SF3B3: variants seen among roughly 807,000 people sequenced by gnomAD.
The protein encoded by SF3B3 is SAP 130.
Under a neutral mutation model 139.2 loss-of-function variants are expected in SF3B3, and 33 were observed. The observed-to-expected ratio is 0.24, with a 90% confidence interval of 0.18 to 0.32. The LOEUF is 0.32. Among genes scored for constraint, SF3B3 ranks in the 10% least tolerant of loss-of-function variants. SF3B3 has a pLI of 1.00. For synonymous variants in SF3B3, 596 were observed against 563.6 expected (o/e 1.06, Z -0.81); for missense variants, 818 against 1,509.4 (o/e 0.54, Z 7.59).
At chr16:70,527,421 T>C (rs1305762900) in intron 2 of SF3B3, among the ~76,000 whole-genome samples, 1 of 152,230 alleles carries the variant, frequency 6.6e-6, no homozygotes. Flanking sequence ...AGGTTCATGA[T>C]TGTGTAGAGT....
rs2050571755 is a variant in SF3B3 at position 70,575,476 on chromosome 16, G to A, written c.*3663G>A. The A allele has an allele frequency of 6.6e-6, 1 of 152,354 alleles. No homozygotes were observed. The highest frequency in any genetic ancestry group is 2.4e-5 in the African/African-American group (1 of 41,448). The allele number at this position is 152,354 out of a possible 1,614,324, so 9.4% of individuals were successfully genotyped here. On this transcript the variant is annotated 3_prime_UTR_variant, in exon 26 of 26. Coordinates refer to ENST00000302516, the MANE Select transcript of SF3B3 (RefSeq NM_012426.5). ...GGTCTCCCAAAGCGCTGGGATTACA[G>A]GCGTGAGCCACTGCACTTGGCCAGG...
chr16:70,568,840 C>T (rs1345507845), intron 22 of SF3B3, among the ~76,000 whole-genome samples: 1 of 152,208 alleles, frequency 6.6e-6, no homozygotes, highest in Non-Finnish European at 1.5e-5. Context: ...TAAACTCTTG[C>T]TCATGGGTCG....
intron 9 of SF3B3, among the ~76,000 whole-genome samples, chr16:70,543,143 C>G (rs2050235384): frequency 1.3e-5 from 2 of 151,882 alleles, no homozygotes; most frequent in Non-Finnish European, 2.9e-5. Flanking sequence ...CATGGTGGCT[C>G]ATGCTTGTAA....
rs1050890212 is a variant in SF3B3 at position 70,569,095 on chromosome 16, A to T, written c.3218A>T (p.Asn1073Ile). The part of the protein sequence containing the change: ...NDEVDEDPTG[N>I]KALWDRGLLN... Reference sequence around the variant, plus strand: ...GAAGTAGATGAGGATCCTACAGGAAACAAAGCCCTGTGGGACCGTGGCTTG... The same window carrying T: ...GAAGTAGATGAGGATCCTACAGGAATCAAAGCCCTGTGGGACCGTGGCTTG... Residue 1073 changes from asparagine (N) to isoleucine (I), a missense_variant, in exon 23 of 26, where the codon AAC (asparagine) becomes ATC (isoleucine). Asn to Ile is a moderately radical substitution (Grantham distance 149, BLOSUM62 -3). Coordinates refer to ENST00000302516, the MANE Select transcript of SF3B3 (RefSeq NM_012426.5). 8.1e-6 allele frequency: 13 copies of T among 1,612,096 alleles called. No individual in the cohort carries two copies. The highest frequency in any genetic ancestry group is 4.5e-5 in the East Asian group (2 of 44,882).
rs2050095618 is a variant in SF3B3 at position 70,529,143 on chromosome 16, G to T, written c.341G>T (p.Arg114Leu). The change falls in exon 3 of 26, where the codon CGC becomes CTC. Residue 114 changes from arginine (R) to leucine (L), a missense_variant. Coordinates refer to ENST00000302516, the MANE Select transcript of SF3B3 (RefSeq NM_012426.5). The stretch of plus-strand genomic sequence containing the variant: ...ACCTTTGGCAAGAGTGGATGCCGTC[G>T]CATCGTTCCTGGCCAGTTCTTAGCT... ...QETFGKSGCR[R>L]IVPGQFLAVD... The T allele has an allele frequency of 6.2e-7, 1 of 1,613,936 alleles. No individual in the cohort carries two copies. The highest frequency in any genetic ancestry group is 1.7e-5 in the Admixed American group (1 of 59,976).
At chr16:70,524,019 G>A in intron 1 of SF3B3, 91 bp downstream of exon 1, 1 of 421,362 alleles carries the variant, frequency 2.4e-6, no homozygotes, top group Non-Finnish European at 4.2e-6. Flanking sequence ...GGGGGTCACG[G>A]GCAGTCTAGG....
In SF3B3 at chr16:70,556,977, A is replaced by G. The variant is rs367719889; in HGVS notation, c.1958A>G (p.Glu653Gly). 1.6e-5 allele frequency: 26 copies of G among 1,613,946 alleles called. No individual in the cohort carries two copies. Among genetic ancestry groups the G allele is most frequent in the Non-Finnish European group, 1.9e-5 (23 of 1,179,994 alleles). The change falls in exon 15 of 26, where the codon GAG (glutamate) becomes GGG (glycine). Residue 653 changes from glutamate (E) to glycine (G), a missense_variant. Physicochemically the swap from Glu to Gly is moderately conservative, Grantham distance 98. Coordinates refer to ENST00000302516, the MANE Select transcript of SF3B3 (RefSeq NM_012426.5). ...VEMGGTEKQD[E>G]LGERGSIGFL... Reference sequence around the variant, plus strand: ...ATGGGTGGGACTGAGAAGCAGGATGAGCTGGGTGAGAGGGGCTCGATTGGC... The same window carrying G: ...ATGGGTGGGACTGAGAAGCAGGATGGGCTGGGTGAGAGGGGCTCGATTGGC...
chr16:70,530,962 T>A, intron 4 of SF3B3, 45 bp downstream of exon 4: 1 of 1,543,438 alleles, frequency 6.5e-7, no homozygotes, highest in South Asian at 1.2e-5. Context: ...GTCACCTCAG[T>A]GTTTTTTTTT....
chr16:70,541,079 A>G (rs77190627), intron 8 of SF3B3, among the ~76,000 whole-genome samples: 4,853 of 152,338 alleles, frequency 0.032, 289 homozygotes, highest in African/African-American at 0.11. Context: ...TGAGGGTTCC[A>G]GTTTCTCCAC....
At chr16:70,540,230 A>G (rs1007404149) in intron 8 of SF3B3, among the ~76,000 whole-genome samples, 1 of 151,348 alleles carries the variant, frequency 6.6e-6, no homozygotes, top group African/African-American at 2.4e-5. Context: ...CCCTGTCTCT[A>G]CTAAAAGTAC....
chr16:70,570,223 A>G (rs1327402621), intron 24 of SF3B3, 74 bp downstream of exon 24: 22 of 1,390,440 alleles, frequency 1.6e-5, no homozygotes, highest in Non-Finnish European at 2.0e-5. Flanking sequence ...TAAGAGGTCA[A>G]ATTCATTTGT....
At chr16:70,568,560 G>C (rs2050499123) in intron 22 of SF3B3, 65 bp downstream of exon 22, 1 of 1,299,722 alleles carries the variant, frequency 7.7e-7, no homozygotes, top group Non-Finnish European at 1.1e-6. Flanking sequence ...TTTCTTGTGG[G>C]TAAAGCCAAG....
intron 1 of SF3B3, 139 bp from the exon 2 acceptor site, chr16:70,526,448 C>G: frequency 2.0e-6 from 1 of 512,754 alleles, no homozygotes; most frequent in East Asian, 3.2e-5. Context: ...CCTCGTGAGC[C>G]ACCACGCCCG....
In SF3B3 at chr16:70,523,924, G is replaced by A; in HGVS notation, c.-75G>A. Reference sequence around the variant, plus strand: ...GGATATCCACACCATCCTTCTCGCTGCAGGGTAAAAAAACAGCCTGGAGAC... The same window carrying A: ...GGATATCCACACCATCCTTCTCGCTACAGGGTAAAAAAACAGCCTGGAGAC... On this transcript the variant is annotated 5_prime_UTR_variant, in exon 1 of 26. Coordinates refer to ENST00000302516, the MANE Select transcript of SF3B3 (RefSeq NM_012426.5). 1 of 447,992 alleles carries A rather than the reference G, an allele frequency of 2.2e-6. No homozygotes were observed. Among genetic ancestry groups the A allele is most frequent in the Non-Finnish European group, 3.9e-6 (1 of 254,594 alleles). 27.8% of individuals were successfully genotyped at this position (447,992 alleles called of 1,614,324 possible). A position where few individuals can be genotyped will look rare whatever the true frequency, so the allele number is the denominator to read the frequency against.
At position 70,568,326 on chromosome 16, in the gene SF3B3, G is replaced by A; in HGVS notation, c.2996G>A (p.Arg999Lys). 6.2e-7 allele frequency: 1 copy of A among 1,613,502 alleles called. No individual in the cohort carries two copies. The highest frequency in any genetic ancestry group is 8.5e-7 in the Non-Finnish European group (1 of 1,179,422). Residue 999 changes from arginine to lysine, a missense_variant, in exon 22 of 26, where the codon AGG (arginine) becomes AAG (lysine). Coordinates refer to ENST00000302516, the MANE Select transcript of SF3B3 (RefSeq NM_012426.5). ...YISGIQTIGHRVIVSDVQESF... is the reference protein window; with the variant it reads ...YISGIQTIGHKVIVSDVQESF... The stretch of plus-strand genomic sequence containing the variant: ...TCTGGGATCCAGACTATCGGACATA[G>A]GGTAATTGTATCTGATGTCCAAGAA...
chr16:70,571,769 G>T lies in SF3B3; in HGVS notation c.3610G>T (p.Val1204Leu). Residue 1204 changes from valine (V) to leucine (L), a missense_variant, in exon 26 of 26, where the codon GTG becomes TTG. Val to Leu is a conservative substitution (Grantham distance 32). Coordinates refer to ENST00000302516, the MANE Select transcript of SF3B3 (RefSeq NM_012426.5). ...AGAACTGGACCGAACCCCACCCGAA[G>T]TGTCCAAGAAACTCGAGGATATCCG... ...SEELDRTPPE[V>L]SKKLEDIRTR... The T allele has an allele frequency of 6.2e-7, 1 of 1,614,084 alleles. No homozygotes were observed. The highest frequency in any genetic ancestry group is 2.2e-5 in the East Asian group (1 of 44,874).
At chr16:70,567,720 C>T (rs531166834) in intron 21 of SF3B3, among the ~76,000 whole-genome samples, 184 bp downstream of exon 21, 1 of 152,318 alleles carries the variant, frequency 6.6e-6, no homozygotes, top group African/African-American at 2.4e-5. Context: ...GAGTCTCGCC[C>T]TGTTGCCCAG....
chr16:70,569,900 A>G, intron 23 of SF3B3, 106 bp from the exon 24 acceptor site: 1 of 1,262,232 alleles, frequency 7.9e-7, no homozygotes, highest in Non-Finnish European at 1.1e-6. Context: ...TAATTTTTGG[A>G]TGTTAATAGA....
chr16:70,554,971 C>G, intron 12 of SF3B3, 80 bp from the exon 13 acceptor site: 1 of 1,389,894 alleles, frequency 7.2e-7, no homozygotes, highest in Non-Finnish European at 9.9e-7. Context: ...ATTTTAGTGA[C>G]AGATCTGATA....
Sources: allele counts gnomAD v4.1 joint callset (sites outside exome capture counted in the v4.1 genomes callset), GRCh38; gene constraint gnomAD v4.1.1; transcripts MANE v1.5; gene names NCBI Gene and HGNC (gene_info 2026-07-23, HGNC 2026-07-21).